The following MYRFL variants were observed in gnomAD, a reference collection of about 807,000 sequenced individuals.
MYRFL encodes myelin regulatory factor like, also known as myelin regulatory factor-like protein.
A neutral mutation model predicts 109.4 loss-of-function variants in MYRFL; 88 were observed. The observed-to-expected ratio is 0.80, with a 90% CI of 0.68 to 0.96. MYRFL has a LOEUF of 0.96. Among genes scored for constraint, MYRFL ranks in the 40% least tolerant of loss-of-function variants. The pLI is 0.00. For synonymous variants in MYRFL, 324 were observed against 320.9 expected (o/e 1.01, Z -0.10); for missense variants, 957 against 954.9 (o/e 1.00, Z -0.03).
intron 19 of MYRFL, among the ~76,000 whole-genome samples, chr12:69,944,473 G>A (rs2120519430): frequency 6.9e-6 from 1 of 145,034 alleles, no homozygotes; most frequent in Middle Eastern, 3.4e-3. Flanking sequence ...TCATAGGTGG[G>A]AATTGAACAA....
At chr12:69,871,326 G>A (rs1030025611) in intron 2 of MYRFL, among the ~76,000 whole-genome samples, 2 of 145,856 alleles carry the variant, frequency 1.4e-5, no homozygotes, top group African/African-American at 5.0e-5. Context: ...TCCGCCTCCC[G>A]GGTTCACGCC....
intron 1 of MYRFL, among the ~76,000 whole-genome samples, chr12:69,842,950 CAGA>C (rs1883329154): frequency 6.6e-6 from 1 of 152,146 alleles, no homozygotes; most frequent in African/African-American, 2.4e-5. Flanking sequence ...TTTCAGGACA[CAGA>C]ATGAACACTA....
intron 1 of MYRFL, among the ~76,000 whole-genome samples, chr12:69,834,512 ATG>A (rs1032490820): frequency 6.6e-6 from 1 of 152,196 alleles, no homozygotes; most frequent in African/African-American, 2.4e-5. Flanking sequence ...CATCTGTCAA[ATG>A]GGGATAATAA....
intron 15 of MYRFL, among the ~76,000 whole-genome samples, chr12:69,930,844 A>G (rs1592853575): frequency 6.6e-6 from 1 of 151,672 alleles, no homozygotes; most frequent in Admixed American, 6.6e-5. Context: ...ACACGGATAA[A>G]TACTTTTTAT....
intron 2 of MYRFL, among the ~76,000 whole-genome samples, chr12:69,861,301 T>C (rs1884646835): frequency 6.6e-6 from 1 of 152,292 alleles, no homozygotes; most frequent in African/African-American, 2.4e-5. Context: ...TTTCTAGTTC[T>C]AGATCCCTGA....
intron 1 of MYRFL, among the ~76,000 whole-genome samples, chr12:69,848,115 A>G (rs1295022483): frequency 6.6e-6 from 1 of 152,072 alleles, no homozygotes; most frequent in African/African-American, 2.4e-5. Context: ...TCTATCACAA[A>G]CTAAATTCTC....
At chr12:69,875,037 C>T (rs1885577473) in intron 2 of MYRFL, among the ~76,000 whole-genome samples, 1 of 151,004 alleles carries the variant, frequency 6.6e-6, no homozygotes, top group South Asian at 2.1e-4. Context: ...ATAAATACAT[C>T]TACCACATCA....
intron 2 of MYRFL, among the ~76,000 whole-genome samples, chr12:69,857,356 T>G (rs980627276): frequency 2.0e-5 from 3 of 151,956 alleles, no homozygotes; most frequent in Non-Finnish European, 4.4e-5. Context: ...TCTGTTTCAA[T>G]ATTGTCTTGG....
In MYRFL at chr12:69,879,225, C is replaced by A. The variant is rs1411067315; in HGVS notation, c.236C>A (p.Ala79Asp). ...TGCTACCCAACCCTGAGGCCCACAG[C>A]TGGGAGGACTCCAGCTCCTTTTCTC... Reference protein sequence around the residue: ...GACYPTLRPTAGRTPAPFLHP... With the variant: ...GACYPTLRPTDGRTPAPFLHP... The change falls in exon 4 of 25, where the codon GCT becomes GAT. Residue 79 changes from alanine (A) to aspartate (D), a missense_variant. Physicochemically the swap from Ala to Asp is moderately radical, Grantham distance 126. Coordinates refer to ENST00000552032, the MANE Select transcript of MYRFL (RefSeq NM_182530.3). 2.8e-6 allele frequency: 2 copies of A among 702,884 alleles called. No individual in the cohort carries two copies. The highest frequency in any genetic ancestry group is 4.0e-5 in the Admixed American group (2 of 50,012). 43.5% of individuals were successfully genotyped at this position (702,884 alleles called of 1,614,324 possible). A position where few individuals can be genotyped will look rare whatever the true frequency, so the allele number is the denominator to read the frequency against.
chr12:69,937,064 C>T (rs1955491916), intron 19 of MYRFL, among the ~76,000 whole-genome samples: 1 of 152,066 alleles, frequency 6.6e-6, no homozygotes, highest in Admixed American at 6.6e-5. Context: ...AGATTTAAGG[C>T]AGTGAAAAAC....
At chr12:69,919,515 G>T (rs1193984517) in intron 13 of MYRFL, among the ~76,000 whole-genome samples, 5 of 152,182 alleles carry the variant, frequency 3.3e-5, no homozygotes, top group Non-Finnish European at 7.3e-5. Context: ...TGCTAGGGAA[G>T]TCTGTCCTCC....
intron 19 of MYRFL, among the ~76,000 whole-genome samples, chr12:69,943,220 G>A (rs368300811): frequency 7.3e-5 from 11 of 151,596 alleles, no homozygotes; most frequent in East Asian, 3.9e-4. Flanking sequence ...AGCCCGCATC[G>A]CCAAGTTAAT....
chr12:69,938,258 C>T (rs1472469405), intron 19 of MYRFL, among the ~76,000 whole-genome samples: 1 of 152,188 alleles, frequency 6.6e-6, no homozygotes, highest in Non-Finnish European at 1.5e-5. Context: ...CTGGTAAACA[C>T]TTTTCTTACT....
chr12:69,958,213 G>A (rs754060739), intron 23 of MYRFL, 36 bp from the exon 24 acceptor site: 137 of 1,478,092 alleles, frequency 9.3e-5, no homozygotes, highest in Non-Finnish European at 1.1e-4. Context: ...TGTCAAATGC[G>A]TGTACGAAAT....
chr12:69,936,093 T>G lies in MYRFL; in HGVS notation c.1917-20T>G, dbSNP rs753995460. ...GCCACATAATGTTTTTTTTTTTTTT[T>G]TTTTTTTTTTTTTTGACAGTGCTTT... On this transcript the variant is annotated intron_variant, in intron 16 of 24. Transcript: ENST00000552032. The G allele has an allele frequency of 4.6e-4, 642 of 1,405,332 alleles. 2 individuals carry two copies. The Admixed American group carries it at 0.012, about 26-fold the overall frequency. 87.1% of individuals were successfully genotyped at this position (1,405,332 alleles called of 1,614,324 possible). A position where few individuals can be genotyped will look rare whatever the true frequency, so the allele number is the denominator to read the frequency against.
intron 19 of MYRFL, among the ~76,000 whole-genome samples, chr12:69,936,992 G>A (rs1248721693): frequency 1.3e-5 from 2 of 152,142 alleles, no homozygotes; most frequent in South Asian, 4.1e-4. Context: ...TGGGCTCTCT[G>A]CCTAAACTGA....
intron 13 of MYRFL, 80 bp from the exon 14 acceptor site, chr12:69,926,491 G>C (rs1056716409): frequency 8.4e-7 from 1 of 1,196,332 alleles, no homozygotes; most frequent in South Asian, 2.8e-5. Context: ...TAATCCAGCT[G>C]TCTTTGAATG....
At chr12:69,858,720 G>A (rs1592712144) in intron 2 of MYRFL, among the ~76,000 whole-genome samples, 1 of 151,628 alleles carries the variant, frequency 6.6e-6, no homozygotes, top group African/African-American at 2.4e-5. Context: ...TTGGTAGTTT[G>A]TTTCTTTTTT....
intron 1 of MYRFL, among the ~76,000 whole-genome samples, chr12:69,826,121 C>T (rs1276463370): frequency 6.6e-6 from 1 of 151,936 alleles, no homozygotes; most frequent in Non-Finnish European, 1.5e-5. Flanking sequence ...GAATAGTAAA[C>T]AATGCTGAAC....
Sources: allele counts gnomAD v4.1 joint callset (sites outside exome capture counted in the v4.1 genomes callset), GRCh38; gene constraint gnomAD v4.1.1; transcripts MANE v1.5; gene names NCBI Gene and HGNC (gene_info 2026-07-23, HGNC 2026-07-21).